FRY: variants seen among roughly 807,000 people sequenced by gnomAD.
FRY encodes protein furry homolog.
A neutral mutation model predicts 348.4 loss-of-function variants in FRY; 128 were observed. The observed-to-expected ratio is 0.37, with a 90% CI of 0.32 to 0.43. The LOEUF is 0.43. Ranked by LOEUF, FRY falls within the 20% of genes least tolerant of loss-of-function variation. The probability of loss-of-function intolerance (pLI) is 1.00; values close to 1 mark genes in which losing one functional copy is unlikely to be tolerated. For missense variants in FRY, 2,736 were observed against 3,695.2 expected (o/e 0.74, Z 6.73); for synonymous variants, 1,370 against 1,374.7 (o/e 1.00, Z 0.08).
chr13:32,287,952 C>T (rs540048605), intron 58 of FRY: 14 of 631,386 alleles, frequency 2.2e-5, no homozygotes, highest in South Asian at 1.3e-4. Context: ...CTATTTTTAC[C>T]GTTACTGTTA....
chr13:32,259,038 G>A (rs886615309), intron 51 of FRY, among the ~76,000 whole-genome samples: 17 of 152,222 alleles, frequency 1.1e-4, no homozygotes, highest in Non-Finnish European at 2.2e-4. Flanking sequence ...CCATCTCAGT[G>A]TAAACCCTCA....
At chr13:32,129,513 C>T (rs1451781055) in intron 7 of FRY, among the ~76,000 whole-genome samples, 1 of 152,008 alleles carries the variant, frequency 6.6e-6, no homozygotes, top group Non-Finnish European at 1.5e-5. Context: ...ATATTTTCTA[C>T]CATATTCTAA....
At chr13:32,072,750 G>T (rs1037504635) in intron 1 of FRY, among the ~76,000 whole-genome samples, 5 of 152,192 alleles carry the variant, frequency 3.3e-5, no homozygotes, top group Non-Finnish European at 5.9e-5. Context: ...AAAGGCATTT[G>T]AGAGGGAAAG....
chr13:32,274,571 G>A (rs1048302253), intron 55 of FRY, among the ~76,000 whole-genome samples: 5 of 151,676 alleles, frequency 3.3e-5, no homozygotes, highest in Admixed American at 2.0e-4. Context: ...AGGCGTGGTG[G>A]CAGGCACCTG....
chr13:32,254,199 T>G, intron 50 of FRY, 25 bp from the exon 51 acceptor site: 1 of 1,613,038 alleles, frequency 6.2e-7, no homozygotes, highest in Non-Finnish European at 8.5e-7. Context: ...GAACGGTTTC[T>G]CAGGAGAGGA....
At chr13:32,278,999 G>C (rs992930649) in intron 58 of FRY, among the ~76,000 whole-genome samples, 1 of 151,986 alleles carries the variant, frequency 6.6e-6, no homozygotes, top group African/African-American at 2.4e-5. Context: ...GAAATTAAAG[G>C]ACAGAGTAAG....
chr13:32,140,031 A>T (rs1347685996), intron 11 of FRY, among the ~76,000 whole-genome samples: 1 of 151,864 alleles, frequency 6.6e-6, no homozygotes, highest in African/African-American at 2.4e-5. Flanking sequence ...GAATTTAAAA[A>T]TTTCTTATAT....
At chr13:32,230,841 A>C (rs2138432331) in intron 40 of FRY, among the ~76,000 whole-genome samples, 1 of 152,244 alleles carries the variant, frequency 6.6e-6, no homozygotes, top group South Asian at 2.1e-4. Context: ...ACTTTTTAAT[A>C]ATCACCATTC....
At chr13:32,161,848 A>G (rs2138182104) in intron 17 of FRY, among the ~76,000 whole-genome samples, 1 of 152,312 alleles carries the variant, frequency 6.6e-6, no homozygotes, top group East Asian at 1.9e-4. Context: ...TCCAATGAGA[A>G]CCTAAAATTT....
chr13:32,037,027 T>TACAC (rs63370460), intron 1 of FRY, among the ~76,000 whole-genome samples: 76 of 99,596 alleles, frequency 7.6e-4, no homozygotes, highest in Non-Finnish European at 1.1e-3. Flanking sequence ...CTCTCTGTTT[T>TACAC]ACACACACAC....
At chr13:32,166,594 C>G (rs1472965303) in intron 17 of FRY, among the ~76,000 whole-genome samples, 2 of 152,022 alleles carry the variant, frequency 1.3e-5, no homozygotes, top group Non-Finnish European at 2.9e-5. Context: ...TCTTGATTAT[C>G]TGGTCAAAAT....
At chr13:32,243,082 A>G (rs1315785623) in intron 46 of FRY, among the ~76,000 whole-genome samples, 1 of 152,248 alleles carries the variant, frequency 6.6e-6, no homozygotes, top group Non-Finnish European at 1.5e-5. Flanking sequence ...AATTACCCAG[A>G]ATTGTAGAGA....
chr13:32,129,879 C>A (rs1879240797), intron 7 of FRY, among the ~76,000 whole-genome samples: 1 of 152,160 alleles, frequency 6.6e-6, no homozygotes, highest in Non-Finnish European at 1.5e-5. Flanking sequence ...TCCCCTCACG[C>A]CCCACTTGCC....
chr13:32,093,550 G>T (rs1416835536), intron 2 of FRY, among the ~76,000 whole-genome samples: 1 of 152,206 alleles, frequency 6.6e-6, no homozygotes, highest in Non-Finnish European at 1.5e-5. Flanking sequence ...AAATTAGATA[G>T]AAAGGCCTGG....
intron 19 of FRY, among the ~76,000 whole-genome samples, chr13:32,173,965 C>T (rs1246935992): frequency 6.6e-6 from 1 of 152,146 alleles, no homozygotes; most frequent in Non-Finnish European, 1.5e-5. Context: ...GATGTTTAAT[C>T]TTGATGATGG....
chr13:32,144,296 G>T (rs1234894814), intron 11 of FRY, among the ~76,000 whole-genome samples: 1 of 142,472 alleles, frequency 7.0e-6, no homozygotes, highest in Non-Finnish European at 1.5e-5. Context: ...TAAACAAATA[G>T]CTATAAAGTT....
intron 2 of FRY, among the ~76,000 whole-genome samples, chr13:32,101,255 A>G (rs1008704204): frequency 6.6e-6 from 1 of 152,150 alleles, no homozygotes; most frequent in African/African-American, 2.4e-5. Context: ...CAGCATAATA[A>G]TAATACTCCA....
intron 1 of FRY, among the ~76,000 whole-genome samples, chr13:32,058,532 T>C (rs1421546685): frequency 6.6e-6 from 1 of 152,250 alleles, no homozygotes; most frequent in Non-Finnish European, 1.5e-5. Flanking sequence ...TGTTCTCTGA[T>C]TTTTCTATTA....
chr13:32,228,173 A>C (rs184091911), intron 39 of FRY, among the ~76,000 whole-genome samples: 1 of 152,236 alleles, frequency 6.6e-6, no homozygotes, highest in African/African-American at 2.4e-5. Context: ...ACACGCATAC[A>C]TACCTTCCTT....
Sources: gnomAD v4.1 joint callset for allele counts (sites outside exome capture counted in the v4.1 genomes callset) on GRCh38, gnomAD v4.1.1 for gene constraint, MANE v1.5 for transcripts, NCBI Gene and HGNC (gene_info 2026-07-23, HGNC 2026-07-21) for gene names.